The following IQCM variants were observed in gnomAD, a reference collection of about 807,000 sequenced individuals.
IQCM encodes the protein IQ domain-containing protein M.
IQCM carries 45 observed loss-of-function variants against 57.6 expected under a neutral mutation model. The observed-to-expected ratio is 0.78, with a 90% CI of 0.62 to 1.00. The LOEUF is 1.00. Among genes scored for constraint, IQCM ranks in the 50% least tolerant of loss-of-function variants. IQCM has a pLI of 0.00. For synonymous variants in IQCM, 148 were observed against 158.9 expected (o/e 0.93, Z 0.51); for missense variants, 468 against 511.6 (o/e 0.91, Z 0.82).
At chr4:149,434,372 G>T (rs921635382) in intron 12 of IQCM, among the ~76,000 whole-genome samples, 1 of 152,128 alleles carries the variant, frequency 6.6e-6, no homozygotes, top group South Asian at 2.1e-4. Context: ...TGCCCATTGG[G>T]CCTCCAGTTT....
intron 13 of IQCM, among the ~76,000 whole-genome samples, chr4:149,431,986 G>A (rs4525950): frequency 6.6e-6 from 1 of 150,410 alleles, no homozygotes; most frequent in Non-Finnish European, 1.5e-5. Context: ...TTACATATAT[G>A]ATATATTGTA....
chr4:149,353,248 C>T (rs1304258943), intron 13 of IQCM, among the ~76,000 whole-genome samples: 1 of 152,096 alleles, frequency 6.6e-6, no homozygotes, highest in African/African-American at 2.4e-5. Flanking sequence ...CACCTCGGAC[C>T]CCTTAGGATG....
At chr4:149,412,993 C>A (rs1044899959) in intron 13 of IQCM, among the ~76,000 whole-genome samples, 6 of 152,062 alleles carry the variant, frequency 3.9e-5, no homozygotes. Flanking sequence ...GTTTTCAAAG[C>A]CAGTGGTCTC....
intron 12 of IQCM, among the ~76,000 whole-genome samples, chr4:149,443,204 G>A (rs549448817): frequency 1.5e-3 from 227 of 152,042 alleles, no homozygotes; most frequent in African/African-American, 5.2e-3. Flanking sequence ...GATTATCTAG[G>A]ATAATCTCCC....
At chr4:149,747,290 T>A (rs2149923689) in intron 2 of IQCM, among the ~76,000 whole-genome samples, 1 of 152,334 alleles carries the variant, frequency 6.6e-6, no homozygotes, top group South Asian at 2.1e-4. Flanking sequence ...TTGCTCTGTA[T>A]ATGAAGGATC....
At chr4:149,750,826 A>G (rs1229264509) in intron 2 of IQCM, among the ~76,000 whole-genome samples, 1 of 152,260 alleles carries the variant, frequency 6.6e-6, no homozygotes, top group Non-Finnish European at 1.5e-5. Flanking sequence ...GTTAATTACA[A>G]CAAATTAAAT....
At chr4:149,406,040 G>A (rs905245511) in intron 13 of IQCM, among the ~76,000 whole-genome samples, 1 of 150,946 alleles carries the variant, frequency 6.6e-6, no homozygotes, top group African/African-American at 2.4e-5. Context: ...ATGAACTTTG[G>A]CCCTTTGGAA....
chr4:149,477,264 G>A (rs1373479414), intron 12 of IQCM, among the ~76,000 whole-genome samples: 2 of 152,100 alleles, frequency 1.3e-5, no homozygotes, highest in African/African-American at 4.8e-5. Context: ...TTCTATTGAA[G>A]CTATTTTTTT....
chr4:149,506,430 T>C (rs572167869), intron 12 of IQCM, among the ~76,000 whole-genome samples: 2 of 152,242 alleles, frequency 1.3e-5, no homozygotes, highest in Admixed American at 6.5e-5. Flanking sequence ...AAGAGTAAAA[T>C]ACATTTCCAT....
At chr4:149,488,381 T>G (rs900612608) in intron 12 of IQCM, among the ~76,000 whole-genome samples, 1 of 152,214 alleles carries the variant, frequency 6.6e-6, no homozygotes, top group Non-Finnish European at 1.5e-5. Flanking sequence ...GATAAAAATC[T>G]TATCTGAAAA....
chr4:149,762,116 T>C (rs1769578830), intron 2 of IQCM, among the ~76,000 whole-genome samples: 1 of 151,908 alleles, frequency 6.6e-6, no homozygotes. Context: ...GGGGGTACTT[T>C]AAGAATGTGT....
chr4:149,354,871 T>A (rs562828065), intron 13 of IQCM, among the ~76,000 whole-genome samples: 1 of 152,290 alleles, frequency 6.6e-6, no homozygotes, highest in African/African-American at 2.4e-5. Flanking sequence ...TGTACCACAC[T>A]AATGCAACGT....
rs574615302 is a variant in IQCM at position 149,368,881 on chromosome 4, T to C, written c.1391-16815A>G. ...GTATATATATACATATATACACGTGTATATATATGTATATATATACACGTG... is the reference window on the plus strand; with the variant it reads ...GTATATATATACATATATACACGTGCATATATATGTATATATATACACGTG... On this transcript the variant is annotated intron_variant, in intron 13 of 13. Coordinates refer to ENST00000636793, the MANE Select transcript of IQCM (RefSeq NM_001363507.2). Among the ~76,000 whole-genome samples, 39 of 68,450 alleles carry C rather than the reference T, an allele frequency of 5.7e-4. 8 individuals are homozygous for C. The highest frequency in any genetic ancestry group is 1.9e-3 in the African/African-American group (34 of 18,240). 44.9% of individuals were successfully genotyped at this position (68,450 alleles called of 152,430 possible). A position where few individuals can be genotyped will look rare whatever the true frequency, so the allele number is the denominator to read the frequency against.
chr4:149,485,684 C>A (rs1741399326), intron 12 of IQCM, among the ~76,000 whole-genome samples: 1 of 152,044 alleles, frequency 6.6e-6, no homozygotes, highest in African/African-American at 2.4e-5. Flanking sequence ...GGTCATAGAT[C>A]TCTGTTTATC....
At chr4:149,479,548 CAG>C (rs925989812) in intron 12 of IQCM, among the ~76,000 whole-genome samples, 1 of 152,162 alleles carries the variant, frequency 6.6e-6, no homozygotes, top group African/African-American at 2.4e-5. Context: ...CCCTGAAAAA[CAG>C]AGTAAAATTC....
At chr4:149,501,298 G>A (rs552432876) in intron 12 of IQCM, among the ~76,000 whole-genome samples, 1 of 152,274 alleles carries the variant, frequency 6.6e-6, no homozygotes, top group East Asian at 1.9e-4. Context: ...CATTTAGATG[G>A]TTCTGTCTGG....
chr4:149,630,818 T>C (rs545545188), intron 7 of IQCM, among the ~76,000 whole-genome samples: 1 of 152,330 alleles, frequency 6.6e-6, no homozygotes, highest in East Asian at 1.9e-4. Context: ...AACAAAATTG[T>C]TTATTATAGC....
At chr4:149,546,667 G>T (rs905740990) in intron 12 of IQCM, among the ~76,000 whole-genome samples, 2 of 152,088 alleles carry the variant, frequency 1.3e-5, no homozygotes, top group Admixed American at 6.6e-5. Context: ...TGATGGGGTT[G>T]TTTGTTTTTT....
intron 2 of IQCM, among the ~76,000 whole-genome samples, chr4:149,797,926 G>A (rs1773260880): frequency 6.6e-6 from 1 of 151,098 alleles, no homozygotes; most frequent in African/African-American, 2.4e-5. Flanking sequence ...TGTCCTACAG[G>A]AAATGCTAAA....
Sources: gnomAD v4.1 joint callset for allele counts (sites outside exome capture counted in the v4.1 genomes callset) on GRCh38, gnomAD v4.1.1 for gene constraint, MANE v1.5 for transcripts, NCBI Gene and HGNC (gene_info 2026-07-23, HGNC 2026-07-21) for gene names.